The following SLC60A1 variants were observed in gnomAD, a reference collection of about 807,000 sequenced individuals.
SLC60A1 encodes the protein major facilitator superfamily domain containing 4.
At chr1:205,600,725 A>G in the SLC60A1 span, 2 of 460,788 alleles carry the variant, frequency 4.3e-6, no homozygotes, top group Non-Finnish European at 7.8e-6. Flanking sequence ...ATGGGAAGGA[A>G]GGAGACAGCC....
chr1:205,584,113 G>A, the SLC60A1 span: 138 of 1,613,456 alleles, frequency 8.6e-5, no homozygotes, highest in African/African-American at 1.4e-3. Flanking sequence ...CAAAGTTTCA[G>A]TCACACCTAG....
the SLC60A1 span, among the ~76,000 whole-genome samples, chr1:205,591,784 G>A: frequency 1.3e-5 from 2 of 152,228 alleles, no homozygotes; most frequent in African/African-American, 4.8e-5. Flanking sequence ...AGGGCAGAGA[G>A]AGCTGATGAA....
the SLC60A1 span, among the ~76,000 whole-genome samples, chr1:205,582,054 C>T: frequency 4.6e-5 from 7 of 152,322 alleles, no homozygotes; most frequent in East Asian, 1.9e-4. Context: ...TTCCCTGGCC[C>T]GAATCTCCTC....
At chr1:205,569,779 G>C in the SLC60A1 span, among the ~76,000 whole-genome samples, 6 of 152,234 alleles carry the variant, frequency 3.9e-5, no homozygotes, top group African/African-American at 1.4e-4. Flanking sequence ...CAGGGTGCTG[G>C]AGGTGGCCTG....
the SLC60A1 span, among the ~76,000 whole-genome samples, chr1:205,587,125 C>T: frequency 1.2e-4 from 18 of 152,266 alleles, no homozygotes; most frequent in South Asian, 4.2e-4. Context: ...TCCAGGTCAC[C>T]ATCCATGACA....
chr1:205,593,537 G>C, the SLC60A1 span, among the ~76,000 whole-genome samples: 2 of 151,598 alleles, frequency 1.3e-5, no homozygotes, highest in Non-Finnish European at 2.9e-5. Context: ...AGGGCAGTTA[G>C]AGCTTCACCC....
the SLC60A1 span, among the ~76,000 whole-genome samples, chr1:205,573,861 C>T: frequency 6.6e-6 from 1 of 151,974 alleles, no homozygotes; most frequent in Non-Finnish European, 1.5e-5. Context: ...CCACACCCAG[C>T]TAATTTTTGT....
At chr1:205,575,379 T>C in the SLC60A1 span, among the ~76,000 whole-genome samples, 1 of 152,178 alleles carries the variant, frequency 6.6e-6, no homozygotes, top group African/African-American at 2.4e-5. Flanking sequence ...AGAATGTCGA[T>C]GCCATCAGGC....
the SLC60A1 span, chr1:205,579,389 C>T: frequency 1.1e-4 from 50 of 461,242 alleles, no homozygotes; most frequent in Middle Eastern, 5.7e-4. Flanking sequence ...GCCTATGACA[C>T]ATGCCTCTTG....
chr1:205,584,724 G>T, the SLC60A1 span: 5 of 688,054 alleles, frequency 7.3e-6, no homozygotes, highest in Admixed American at 6.5e-5. Context: ...AGATGGACAG[G>T]GGTTATTCCT....
chr1:205,575,376 C>T, the SLC60A1 span, among the ~76,000 whole-genome samples: 2 of 152,268 alleles, frequency 1.3e-5, no homozygotes, highest in East Asian at 1.9e-4. Flanking sequence ...AAGAGAATGT[C>T]GATGCCATCA....
the SLC60A1 span, chr1:205,584,013 G>A: frequency 3.1e-6 from 5 of 1,614,032 alleles, no homozygotes; most frequent in South Asian, 4.4e-5. Flanking sequence ...CTGACCTGCT[G>A]TCCCCAGAGG....
chr1:205,597,852 T>C, the SLC60A1 span: 1 of 1,613,728 alleles, frequency 6.2e-7, no homozygotes, highest in Non-Finnish European at 8.5e-7. Context: ...GTTGGTTCGG[T>C]ATGTGGGGAC....
the SLC60A1 span, among the ~76,000 whole-genome samples, chr1:205,574,175 G>A: frequency 6.6e-6 from 1 of 151,636 alleles, no homozygotes; most frequent in African/African-American, 2.4e-5. Flanking sequence ...AGCCAGGTTC[G>A]GTGGCTCACA....
chr1:205,600,449 C>T, the SLC60A1 span: 9 of 1,614,110 alleles, frequency 5.6e-6, no homozygotes, highest in South Asian at 5.5e-5. Flanking sequence ...ACTCTGAGTG[C>T]TACCAGAGGT....
chr1:205,573,530 T>C, the SLC60A1 span, among the ~76,000 whole-genome samples: 3 of 151,266 alleles, frequency 2.0e-5, no homozygotes, highest in South Asian at 2.1e-4. Context: ...GAAAACATTA[T>C]GCTAAGTGAA....
the SLC60A1 span, among the ~76,000 whole-genome samples, chr1:205,584,575 T>C: frequency 0.23 from 33,829 of 146,186 alleles, 4,502 homozygotes; most frequent in Non-Finnish European, 0.3. Flanking sequence ...AAGAAAATCT[T>C]GGCCCTGATG....
At chr1:205,572,583 C>T in the SLC60A1 span, among the ~76,000 whole-genome samples, 25 of 152,260 alleles carry the variant, frequency 1.6e-4, no homozygotes, top group Middle Eastern at 0.017. Context: ...ACCAGTTGCC[C>T]AGGCCACCCC....
the SLC60A1 span, chr1:205,580,870 C>T: frequency 5.0e-3 from 7,999 of 1,614,116 alleles, 199 homozygotes; most frequent in Admixed American, 0.062. The surrounding 1 kb of genome is among the most constrained non-coding windows in gnomAD (Gnocchi z 5.0). Flanking sequence ...CTCCAAAGGA[C>T]GGGGCAGGGA....
Sources: allele counts gnomAD v4.1 joint callset (sites outside exome capture counted in the v4.1 genomes callset), GRCh38; gene constraint gnomAD v4.1.1; non-coding constraint Gnocchi (gnomAD v3.1); transcripts MANE v1.5; gene names NCBI Gene and HGNC (gene_info 2026-07-23, HGNC 2026-07-21).